Variants in CAMKMT observed in about 807,000 individuals in gnomAD.
CAMKMT encodes the protein CaM KMT.
CAMKMT carries 53 observed loss-of-function variants against 48.0 expected under a neutral mutation model. The observed-to-expected ratio is 1.10, with a 90% CI of 0.89 to 1.39. The LOEUF is 1.39. Ranked by LOEUF, CAMKMT falls within the 40% of genes most tolerant of loss-of-function variation. CAMKMT has a pLI of 0.00. For synonymous variants in CAMKMT, 165 were observed against 152.3 expected (o/e 1.08, Z -0.61); for missense variants, 428 against 402.7 (o/e 1.06, Z -0.54).
intron 2 of CAMKMT, among the ~76,000 whole-genome samples, chr2:44,386,799 T>G (rs1291592264): frequency 6.6e-6 from 1 of 152,160 alleles, no homozygotes; most frequent in Admixed American, 6.5e-5. Flanking sequence ...AGCAGGTTAT[T>G]TAATTTTCAT....
chr2:44,565,215 T>G (rs146002152), intron 3 of CAMKMT, among the ~76,000 whole-genome samples: 1,734 of 152,308 alleles, frequency 0.011, 19 homozygotes, highest in Non-Finnish European at 0.018. Context: ...TTCAAACATT[T>G]TTATCCATAT....
At chr2:44,692,725 G>T (rs932957700) in intron 3 of CAMKMT, among the ~76,000 whole-genome samples, 1 of 152,194 alleles carries the variant, frequency 6.6e-6, no homozygotes, top group Non-Finnish European at 1.5e-5. Flanking sequence ...GCTTTCTGCT[G>T]TAGCTTTTTA....
At position 44,772,052 on chromosome 2, in the gene CAMKMT, C is replaced by A. The variant is rs765409677; in HGVS notation, c.911C>A (p.Pro304Gln). The change falls in exon 11 of 11, where the codon CCG (proline) becomes CAG (glutamine). Residue 304 changes from proline to glutamine, a missense_variant. Physicochemically the swap from Pro to Gln is moderately conservative, Grantham distance 76. Transcript: ENST00000378494. ...TGTTTTCAGTTGAAAAAGGAAAACCCGGACATATATGAAGAAAACCTTCAT... is the reference window on the plus strand; with the variant it reads ...TGTTTTCAGTTGAAAAAGGAAAACCAGGACATATATGAAGAAAACCTTCAT... ...NFHSKLKKENPDIYEENLHYP... is the reference protein window; with the variant it reads ...NFHSKLKKENQDIYEENLHYP... 1.2e-6 allele frequency: 2 copies of A among 1,613,270 alleles called. No homozygotes were observed. The highest frequency in any genetic ancestry group is 4.5e-5 in the East Asian group (2 of 44,880).
chr2:44,720,099 T>TAGGGA (rs1469729987), intron 7 of CAMKMT, among the ~76,000 whole-genome samples: 1 of 152,138 alleles, frequency 6.6e-6, no homozygotes, highest in African/African-American at 2.4e-5. Flanking sequence ...TCCCTACTAT[T>TAGGGA]TAGTGTTTTG....
At chr2:44,551,953 T>G (rs1316483801) in intron 3 of CAMKMT, among the ~76,000 whole-genome samples, 2 of 152,190 alleles carry the variant, frequency 1.3e-5, no homozygotes, top group East Asian at 3.8e-4. Flanking sequence ...CAGGGCGAAG[T>G]GTAATATGGG....
rs1025528073 is a variant in CAMKMT at position 44,471,221 on chromosome 2, C to T, written c.376+80916C>T. On this transcript the variant is annotated intron_variant, in intron 3 of 10. Transcript: ENST00000378494. ...GGCCAGGCTGGTCTGAAACTCCTGACCTCAGGTGGTCTGCCTGCCTTGGCC... is the reference window on the plus strand; with the variant it reads ...GGCCAGGCTGGTCTGAAACTCCTGATCTCAGGTGGTCTGCCTGCCTTGGCC... Among the ~76,000 whole-genome samples the T allele has an allele frequency of 5.9e-5, 9 of 152,106 alleles. 1 individual carries two copies. Among genetic ancestry groups the T allele is most frequent in the Admixed American group, 5.9e-4 (9 of 15,262 alleles).
intron 3 of CAMKMT, among the ~76,000 whole-genome samples, chr2:44,670,383 A>G (rs1164051874): frequency 6.6e-6 from 1 of 152,144 alleles, no homozygotes; most frequent in African/African-American, 2.4e-5. Context: ...GTTCAAGACC[A>G]GCCTGGTCAA....
intron 3 of CAMKMT, among the ~76,000 whole-genome samples, chr2:44,427,300 A>G (rs1057211549): frequency 6.6e-6 from 1 of 152,232 alleles, no homozygotes; most frequent in African/African-American, 2.4e-5. Context: ...AAAAAAATTG[A>G]CAATTGGTCC....
chr2:44,757,585 A>G (rs944581043), intron 9 of CAMKMT, among the ~76,000 whole-genome samples: 2 of 140,712 alleles, frequency 1.4e-5, no homozygotes, highest in South Asian at 2.2e-4. Flanking sequence ...TTTTTTTGAG[A>G]TGGAGTCTCG....
chr2:44,520,924 T>C (rs529849172), intron 3 of CAMKMT, among the ~76,000 whole-genome samples: 1 of 152,370 alleles, frequency 6.6e-6, no homozygotes, highest in South Asian at 2.1e-4. Flanking sequence ...GCTTCTGTCA[T>C]GACTGTAAGT....
intron 3 of CAMKMT, among the ~76,000 whole-genome samples, chr2:44,680,731 G>A (rs886328553): frequency 1.3e-5 from 2 of 152,148 alleles, no homozygotes; most frequent in Non-Finnish European, 2.9e-5. Context: ...TCGCTGCAGG[G>A]GATAATGGTT....
intron 6 of CAMKMT, among the ~76,000 whole-genome samples, chr2:44,708,409 G>T (rs773797897): frequency 6.6e-6 from 1 of 151,642 alleles, no homozygotes; most frequent in African/African-American, 2.4e-5. Flanking sequence ...GCTTCATCAA[G>T]CTGCTCAAAC....
intron 3 of CAMKMT, among the ~76,000 whole-genome samples, chr2:44,453,298 C>T (rs1045127665): frequency 3.9e-5 from 6 of 151,940 alleles, no homozygotes; most frequent in Non-Finnish European, 7.4e-5. Flanking sequence ...AATGTTTGTA[C>T]TAGTGAGTCA....
At chr2:44,723,204 G>A (rs908736122) in intron 7 of CAMKMT, among the ~76,000 whole-genome samples, 5 of 152,136 alleles carry the variant, frequency 3.3e-5, no homozygotes, top group Admixed American at 3.3e-4. Flanking sequence ...TAACTCTGAC[G>A]CCTGGTCTGG....
In CAMKMT at chr2:44,720,724, C is replaced by A. The variant is rs950286425; in HGVS notation, c.623+5371C>A. ...ACAGATTTTCAGAAGTGGATTGTGTCTATTTGTACAACCCTACCAAACTGC... is the reference window on the plus strand; with the variant it reads ...ACAGATTTTCAGAAGTGGATTGTGTATATTTGTACAACCCTACCAAACTGC... On this transcript the variant is annotated intron_variant, in intron 7 of 10. Coordinates refer to ENST00000378494, the MANE Select transcript of CAMKMT (RefSeq NM_024766.5). Among the ~76,000 whole-genome samples the A allele has an allele frequency of 5.9e-5, 9 of 152,092 alleles. No homozygotes were observed. In the South Asian group the frequency reaches 8.3e-4, roughly 14 times the overall value.
intron 3 of CAMKMT, among the ~76,000 whole-genome samples, chr2:44,576,894 G>A (rs1390619461): frequency 1.3e-5 from 2 of 152,140 alleles, no homozygotes; most frequent in Non-Finnish European, 2.9e-5. Context: ...TGCAAGGAAT[G>A]TTCATTCATT....
intron 3 of CAMKMT, among the ~76,000 whole-genome samples, chr2:44,668,365 G>A (rs139190855): frequency 2.7e-4 from 41 of 152,136 alleles, no homozygotes; most frequent in Non-Finnish European, 3.7e-4. Flanking sequence ...AGCTCTCCTC[G>A]CCAGCTTAAG....
intron 3 of CAMKMT, among the ~76,000 whole-genome samples, chr2:44,558,038 C>T (rs75005464): frequency 3.6e-3 from 75 of 20,842 alleles, no homozygotes; most frequent in African/African-American, 9.7e-3. Context: ...TTTATTTATT[C>T]ATTCATTCAT....
At chr2:44,721,334 T>C (rs958211951) in intron 7 of CAMKMT, among the ~76,000 whole-genome samples, 1 of 152,178 alleles carries the variant, frequency 6.6e-6, no homozygotes, top group Non-Finnish European at 1.5e-5. Context: ...AATATGGAAC[T>C]TTAGCAGATA....
Sources: gnomAD v4.1 joint callset for allele counts (sites outside exome capture counted in the v4.1 genomes callset) on GRCh38, gnomAD v4.1.1 for gene constraint, MANE v1.5 for transcripts, NCBI Gene and HGNC (gene_info 2026-07-23, HGNC 2026-07-21) for gene names.